The following ALK variants were observed in gnomAD, a reference collection of about 807,000 sequenced individuals.
ALK encodes the protein ALK receptor tyrosine kinase, also known as ALK tyrosine kinase receptor.
ALK carries 74 observed loss-of-function variants against 163.1 expected under a neutral mutation model. The ratio of observed to expected loss-of-function variants is 0.45; its 90% CI spans 0.38 to 0.55. ALK has a LOEUF of 0.55. Ranked by LOEUF, ALK falls within the 20% of genes least tolerant of loss-of-function variation. The pLI, the probability that ALK is intolerant of heterozygous loss-of-function variation, is 0.00. For synonymous variants in ALK, 960 were observed against 843.2 expected, an observed-to-expected ratio of 1.14 and a Z score of -2.40; for missense variants, 2,063 against 2,105.3, an observed-to-expected ratio of 0.98 and a Z score of 0.39.
chr2:29,540,509 T>C (rs1234359593), intron 3 of ALK, among the ~76,000 whole-genome samples: 3 of 151,896 alleles, frequency 2.0e-5, no homozygotes, highest in African/African-American at 7.3e-5. Flanking sequence ...AACTAATACT[T>C]ATTTTGCAAA....
intron 1 of ALK, among the ~76,000 whole-genome samples, chr2:29,764,347 C>A (rs1391567507): frequency 2.6e-5 from 4 of 152,124 alleles, no homozygotes; most frequent in Non-Finnish European, 4.4e-5. Flanking sequence ...CTAGAGGCTC[C>A]CAAGACCCCA....
At chr2:29,278,823 C>T (rs1007649724) in intron 9 of ALK, among the ~76,000 whole-genome samples, 7 of 152,174 alleles carry the variant, frequency 4.6e-5, no homozygotes, top group African/African-American at 1.7e-4. Context: ...TGAGTGCCCC[C>T]ACAGGGCACA....
chr2:29,209,676 A>C lies in ALK; in HGVS notation c.3836+110T>G, dbSNP rs557220203. The C allele has an allele frequency of 7.3e-5, 57 of 778,622 alleles. 1 individual carries two copies. The South Asian group carries it at 7.9e-4, about 11-fold the overall frequency. The allele number at this position is 778,622 out of a possible 1,614,324, so 48.2% of individuals were successfully genotyped here. A position where few individuals can be genotyped will look rare whatever the true frequency, so the allele number is the denominator to read the frequency against. ...GGAACTTAGTGAAATTTTAGGTAGA[A>C]AGTTGACAGGGTACCAGGAGATGAT... On this transcript the variant is annotated intron_variant, in intron 25 of 28. Coordinates refer to ENST00000389048, the MANE Select transcript of ALK (RefSeq NM_004304.5).
chr2:29,273,000 G>A (rs1303850043), intron 11 of ALK, among the ~76,000 whole-genome samples: 1 of 152,224 alleles, frequency 6.6e-6, no homozygotes, highest in Non-Finnish European at 1.5e-5. Flanking sequence ...ACAAGCTGTT[G>A]TGTGAAATAA....
intron 5 of ALK, among the ~76,000 whole-genome samples, chr2:29,367,432 G>C (rs1668533489): frequency 6.6e-6 from 1 of 152,140 alleles, no homozygotes; most frequent in Admixed American, 6.5e-5. Context: ...AAATGAGGGA[G>C]GAAGGAAGAC....
At chr2:29,729,187 C>T (rs911130986) in intron 1 of ALK, among the ~76,000 whole-genome samples, 1 of 152,238 alleles carries the variant, frequency 6.6e-6, no homozygotes, top group Non-Finnish European at 1.5e-5. Context: ...GCCCCAGGAA[C>T]TCTTCTTGCA....
At chr2:29,523,154 G>A (rs1268548713) in intron 4 of ALK, among the ~76,000 whole-genome samples, 3 of 152,112 alleles carry the variant, frequency 2.0e-5, no homozygotes, top group Non-Finnish European at 4.4e-5. Flanking sequence ...AGAGAATCAC[G>A]TGGCCACAGC....
At chr2:29,210,522 T>C (rs900007312) in intron 24 of ALK, among the ~76,000 whole-genome samples, 8 of 152,100 alleles carry the variant, frequency 5.3e-5, no homozygotes, top group Non-Finnish European at 8.8e-5. Context: ...AACCTCTGCC[T>C]CCCGGGTTCA....
At chr2:29,461,917 A>G (rs776576466) in intron 4 of ALK, among the ~76,000 whole-genome samples, 16 of 152,180 alleles carry the variant, frequency 1.1e-4, no homozygotes, top group Non-Finnish European at 2.1e-4. Flanking sequence ...AGGTGTCATT[A>G]AGAATATTTT....
intron 3 of ALK, among the ~76,000 whole-genome samples, chr2:29,682,652 A>C (rs780823521): frequency 6.6e-6 from 1 of 152,218 alleles, no homozygotes; most frequent in African/African-American, 2.4e-5. Context: ...TAGCTGAAGC[A>C]ATATTGGATA....
At chr2:29,217,308 T>C (rs947995043) in intron 23 of ALK, among the ~76,000 whole-genome samples, 4 of 149,814 alleles carry the variant, frequency 2.7e-5, no homozygotes, top group African/African-American at 9.9e-5. Flanking sequence ...GATGTGTGTA[T>C]ATATGCATGT....
chr2:29,494,750 G>A (rs1275507318), intron 4 of ALK, among the ~76,000 whole-genome samples: 1 of 152,080 alleles, frequency 6.6e-6, no homozygotes. Flanking sequence ...TGGATGCCTT[G>A]ATGGGTTTTG....
chr2:29,705,536 C>T (rs1678883977), intron 2 of ALK, among the ~76,000 whole-genome samples: 1 of 151,714 alleles, frequency 6.6e-6, no homozygotes, highest in Admixed American at 6.6e-5. Flanking sequence ...TTTATATCAA[C>T]CTCTCAGGGG....
At chr2:29,496,123 A>G (rs1054653796) in intron 4 of ALK, among the ~76,000 whole-genome samples, 5 of 152,346 alleles carry the variant, frequency 3.3e-5, no homozygotes, top group Admixed American at 2.6e-4. Flanking sequence ...GAAATAACTT[A>G]TCTGAGGTAT....
In ALK at chr2:29,876,383, A is replaced by G. The variant is rs112275789; in HGVS notation, c.667+43610T>C. On this transcript the variant is annotated intron_variant, in intron 1 of 28. Transcript: ENST00000389048. ...TGGTGGTGATGGTGGTGATAGTGATAATGATGATGGTGATGATGGTGGTGA... is the reference window on the plus strand; with the variant it reads ...TGGTGGTGATGGTGGTGATAGTGATGATGATGATGGTGATGATGGTGGTGA... Among the ~76,000 whole-genome samples, 1,080 of 123,276 alleles carry G rather than the reference A, an allele frequency of 8.8e-3. 19 individuals are homozygous for G. Among genetic ancestry groups the G allele is most frequent in the African/African-American group, 0.032 (1,031 of 32,158 alleles). The allele number at this position is 123,276 out of a possible 152,430, so 80.9% of individuals were successfully genotyped here.
chr2:29,439,388 TA>T (rs902688982), intron 4 of ALK, among the ~76,000 whole-genome samples: 7 of 152,092 alleles, frequency 4.6e-5, no homozygotes, highest in African/African-American at 1.7e-4. Flanking sequence ...CAATAATTAA[TA>T]AAAAATAAAT....
At chr2:29,697,260 AGAG>A (rs1678594541) in intron 2 of ALK, among the ~76,000 whole-genome samples, 3 of 152,098 alleles carry the variant, frequency 2.0e-5, no homozygotes, top group South Asian at 4.1e-4. Flanking sequence ...TCTCCTCTCC[AGAG>A]AAGAGGGCCA....
At chr2:29,852,832 T>TTCTCTCTCTC (rs56348355) in intron 1 of ALK, among the ~76,000 whole-genome samples, 13 of 148,586 alleles carry the variant, frequency 8.7e-5, no homozygotes, top group East Asian at 4.0e-4. Flanking sequence ...GACCAGAGCT[T>TTCTCTCTCTC]TCTCTCTCTC....
chr2:29,762,194 T>A lies in ALK; in HGVS notation c.668-44497A>T, dbSNP rs201148983. On this transcript the variant is annotated intron_variant, in intron 1 of 28. Transcript: ENST00000389048. ...CCCTCTGAGTTTAGACAATACTTAA[T>A]CTGAACATCTAATAGTTCATTCTTC... Among the ~76,000 whole-genome samples the A allele has an allele frequency of 2.6e-5, 4 of 152,234 alleles. No individual in the cohort carries two copies. In the East Asian group the frequency reaches 7.7e-4, roughly 29 times the overall value.
Sources: gnomAD v4.1 joint callset for allele counts (sites outside exome capture counted in the v4.1 genomes callset) on GRCh38, gnomAD v4.1.1 for gene constraint, MANE v1.5 for transcripts, NCBI Gene and HGNC (gene_info 2026-07-23, HGNC 2026-07-21) for gene names.